The following REDIC1 variants were observed in gnomAD, a reference collection of about 807,000 sequenced individuals.
REDIC1 encodes the protein HEI10 Interacting Protein 1.
the REDIC1 span, among the ~76,000 whole-genome samples, chr12:39,748,107 G>A: frequency 1.3e-5 from 2 of 148,846 alleles, no homozygotes; most frequent in African/African-American, 2.4e-5. Context: ...TGGGCTAAAT[G>A]CTCCAATTAA....
chr12:39,721,057 G>A, the REDIC1 span: 1 of 1,613,810 alleles, frequency 6.2e-7, no homozygotes, highest in Admixed American at 1.7e-5. Context: ...CGTTCTGCAG[G>A]CTGCAAGGTG....
chr12:39,648,366 C>G, the REDIC1 span, among the ~76,000 whole-genome samples: 4 of 151,622 alleles, frequency 2.6e-5, no homozygotes, highest in African/African-American at 4.9e-5. Context: ...TATACAGTTT[C>G]AGAGATGTCG....
chr12:39,647,919 C>T, the REDIC1 span: 6 of 1,606,798 alleles, frequency 3.7e-6, no homozygotes, highest in South Asian at 5.5e-5. Flanking sequence ...CTAAATTTCA[C>T]ATCTGGAATA....
chr12:39,720,267 A>G, the REDIC1 span, among the ~76,000 whole-genome samples: 1 of 151,830 alleles, frequency 6.6e-6, no homozygotes, highest in South Asian at 2.1e-4. Flanking sequence ...AAGTTATGTT[A>G]TCTTCTTAAG....
chr12:39,731,389 G>A, the REDIC1 span, among the ~76,000 whole-genome samples: 1 of 152,104 alleles, frequency 6.6e-6, no homozygotes. Flanking sequence ...CTGTTTGTTA[G>A]TTCCTTCTAA....
chr12:39,818,878 C>G, the REDIC1 span, among the ~76,000 whole-genome samples: 10 of 152,126 alleles, frequency 6.6e-5, no homozygotes, highest in African/African-American at 2.2e-4. Flanking sequence ...TCTGATCTGG[C>G]CCTTTCCTTC....
At chr12:39,713,849 G>C in the REDIC1 span, among the ~76,000 whole-genome samples, 1 of 147,022 alleles carries the variant, frequency 6.8e-6, no homozygotes, top group Non-Finnish European at 1.5e-5. Flanking sequence ...GTATATATAT[G>C]CATATATACA....
At chr12:39,676,137 G>C in the REDIC1 span, among the ~76,000 whole-genome samples, 2 of 151,596 alleles carry the variant, frequency 1.3e-5, no homozygotes, top group Non-Finnish European at 2.9e-5. Flanking sequence ...TCAGAAGGTT[G>C]ATTAATATAC....
chr12:39,903,328 A>C, the REDIC1 span, among the ~76,000 whole-genome samples: 1 of 152,156 alleles, frequency 6.6e-6, no homozygotes, highest in Non-Finnish European at 1.5e-5. Flanking sequence ...TATTTCAGGA[A>C]GCATTTTTCC....
chr12:39,832,161 G>A, the REDIC1 span, among the ~76,000 whole-genome samples: 2 of 152,128 alleles, frequency 1.3e-5, no homozygotes, highest in African/African-American at 4.8e-5. Flanking sequence ...CTGGTGATAA[G>A]CACACTAAAC....
At chr12:39,644,359 C>T in the REDIC1 span, among the ~76,000 whole-genome samples, 2 of 151,870 alleles carry the variant, frequency 1.3e-5, no homozygotes, top group African/African-American at 4.8e-5. Context: ...ATTTATTACA[C>T]TTTCCTGGGA....
chr12:39,666,427 T>C, the REDIC1 span, among the ~76,000 whole-genome samples: 1 of 152,314 alleles, frequency 6.6e-6, no homozygotes, highest in Admixed American at 6.5e-5. Flanking sequence ...CACTTGATCA[T>C]GGTGGATAAG....
chr12:39,788,070 G>T, the REDIC1 span, among the ~76,000 whole-genome samples: 434 of 152,186 alleles, frequency 2.9e-3, 2 homozygotes, highest in African/African-American at 9.8e-3. Flanking sequence ...CATACTTGTT[G>T]TGGGGTATAT....
At chr12:39,703,363 A>T in the REDIC1 span, among the ~76,000 whole-genome samples, 3 of 150,502 alleles carry the variant, frequency 2.0e-5, no homozygotes, top group Admixed American at 1.3e-4. Context: ...AATACCTAGG[A>T]ATCCAACTTA....
the REDIC1 span, among the ~76,000 whole-genome samples, chr12:39,788,973 G>A: frequency 2.0e-4 from 31 of 151,940 alleles, no homozygotes; most frequent in Admixed American, 2.6e-4. Flanking sequence ...AAACAAAATC[G>A]GATTGATGCC....
the REDIC1 span, among the ~76,000 whole-genome samples, chr12:39,833,892 T>TAAA: frequency 5.7e-5 from 5 of 88,366 alleles, no homozygotes; most frequent in South Asian, 3.6e-4. Flanking sequence ...AGCATGGTCA[T>TAAA]AAAAAAAAAA....
chr12:39,783,932 C>T, the REDIC1 span, among the ~76,000 whole-genome samples: 3 of 152,112 alleles, frequency 2.0e-5, no homozygotes, highest in African/African-American at 7.2e-5. Flanking sequence ...ACACAAATAA[C>T]AGACAAACAG....
chr12:39,666,573 A>G, the REDIC1 span, among the ~76,000 whole-genome samples: 6 of 152,262 alleles, frequency 3.9e-5, no homozygotes, highest in Non-Finnish European at 7.4e-5. Flanking sequence ...GGATGATGCT[A>G]GCCTCATAAA....
chr12:39,858,559 G>A, the REDIC1 span, among the ~76,000 whole-genome samples: 1 of 152,166 alleles, frequency 6.6e-6, no homozygotes, highest in South Asian at 2.1e-4. Context: ...TTACCAGGAT[G>A]TCAAATACTG....
Sources: gnomAD v4.1 joint callset for allele counts (sites outside exome capture counted in the v4.1 genomes callset) on GRCh38, gnomAD v4.1.1 for gene constraint, MANE v1.5 for transcripts, NCBI Gene and HGNC (gene_info 2026-07-23, HGNC 2026-07-21) for gene names.